Variants in CEP126 observed in about 807,000 individuals in gnomAD.
CEP126 encodes centrosomal protein of 126 kDa.
In CEP126, 74 loss-of-function variants were observed where a neutral mutation model predicts 107.8. The observed-to-expected ratio is 0.69, with a 90% CI of 0.57 to 0.83. The LOEUF (loss-of-function observed/expected upper bound fraction) is 0.83. CEP126 is among the 40% of genes least tolerant of loss of function. The pLI, the probability that CEP126 is intolerant of heterozygous loss-of-function variation, is 0.00. For missense variants in CEP126, 1,237 were observed against 1,281.9 expected, an observed-to-expected ratio of 0.96 and a Z score of 0.53; for synonymous variants, 449 against 446.0, an observed-to-expected ratio of 1.01 and a Z score of -0.08.
chr11:101,997,106 C>T (rs534076912), intron 10 of CEP126, among the ~76,000 whole-genome samples: 4 of 152,206 alleles, frequency 2.6e-5, no homozygotes, highest in Non-Finnish European at 4.4e-5. Context: ...GGAGCAATCT[C>T]AGCTTACTGC....
intron 2 of CEP126, among the ~76,000 whole-genome samples, chr11:101,937,906 C>G (rs57067432): frequency 0.032 from 4,909 of 151,670 alleles, 125 homozygotes; most frequent in African/African-American, 0.067. Context: ...GTAATCCCAG[C>G]ACTTTGGGAG....
intron 7 of CEP126, among the ~76,000 whole-genome samples, chr11:101,979,699 C>G (rs1453333874): frequency 1.3e-5 from 2 of 152,156 alleles, no homozygotes; most frequent in Non-Finnish European, 2.9e-5. Flanking sequence ...GACTGTGCCA[C>G]TGTACTCCAG....
chr11:101,915,412 T>C lies in CEP126; in HGVS notation c.128T>C (p.Leu43Pro). The C allele has an allele frequency of 6.2e-7, 1 of 1,610,640 alleles. No individual in the cohort carries two copies. Among genetic ancestry groups the C allele is most frequent in the Non-Finnish European group, 8.5e-7 (1 of 1,177,916 alleles). Residue 43 changes from leucine to proline, a missense_variant and splice_region_variant, in exon 1 of 11, where the codon CTA becomes CCA. Transcript: ENST00000263468. ...GGGCATCACCGACCTGGCTCTTACCTGTATCCTTCCCAGCCTGTGGCTGCC... is the reference window on the plus strand; with the variant it reads ...GGGCATCACCGACCTGGCTCTTACCCGTATCCTTCCCAGCCTGTGGCTGCC... ...SGGHHRPGSY[L>P]DMKIHLEKNL...
chr11:101,996,099 C>T (rs1941438284), intron 10 of CEP126, among the ~76,000 whole-genome samples: 1 of 152,224 alleles, frequency 6.6e-6, no homozygotes. Context: ...CCTCTCCACT[C>T]TATAGCATCT....
chr11:101,955,480 T>A (rs1244123726), intron 4 of CEP126, among the ~76,000 whole-genome samples: 1 of 152,196 alleles, frequency 6.6e-6, no homozygotes, highest in Non-Finnish European at 1.5e-5. Flanking sequence ...TGACCTCTAT[T>A]TGCCCTTTGA....
intron 6 of CEP126, among the ~76,000 whole-genome samples, chr11:101,970,703 T>C (rs921519744): frequency 6.6e-6 from 1 of 152,230 alleles, no homozygotes; most frequent in Non-Finnish European, 1.5e-5. Context: ...TTTTAAACTG[T>C]CCCATTTTAT....
Position 101,922,628 on chromosome 11 carries a change from A to G in CEP126, c.129-13A>G, listed in dbSNP as rs770905807. ...GATGTAGACCATTGTTCTTAACTTA[A>G]TGCTATCATTAGAGATATGAAAATC... On this transcript the variant is annotated splice_polypyrimidine_tract_variant and intron_variant, in intron 1 of 10. Transcript: ENST00000263468. 3 of 1,595,106 alleles carry G rather than the reference A, an allele frequency of 1.9e-6. No homozygotes were observed. The highest frequency in any genetic ancestry group is 2.7e-5 in the African/African-American group (2 of 74,464).
rs953201139 is a variant in CEP126, at chr11:101,944,403, G to A, written c.387G>A (p.Arg129=). 1.2e-6 allele frequency: 2 copies of A among 1,608,390 alleles called. No homozygotes were observed. The highest frequency in any genetic ancestry group is 1.7e-6 in the Non-Finnish European group (2 of 1,178,250). The change falls in exon 3 of 11, where the codon AGG becomes AGA. Residue 129 remains arginine (R), a synonymous_variant. Coordinates refer to ENST00000263468, the MANE Select transcript of CEP126 (RefSeq NM_020802.4). ...CCCATGTTCCTCTTTCACAGCGGAG[G>A]AAAGCAGGTGCCTTAATTTCTAGAA... is the stretch of plus-strand genomic sequence containing the variant. The part of the protein sequence containing the change: ...QRAHVPLSQR[R]KAVSRKPVPP...
At chr11:101,928,981 T>G (rs1940451735) in intron 2 of CEP126, among the ~76,000 whole-genome samples, 1 of 152,250 alleles carries the variant, frequency 6.6e-6, no homozygotes. Flanking sequence ...TGGGGAAAAC[T>G]GACATCTTCA....
chr11:101,971,954 T>G (rs997553602), intron 6 of CEP126, among the ~76,000 whole-genome samples: 1 of 151,410 alleles, frequency 6.6e-6, no homozygotes, highest in African/African-American at 2.4e-5. Context: ...ACTAAAAATT[T>G]AAAAATTAGC....
chr11:101,976,971 A>T (rs1941199180), intron 6 of CEP126, among the ~76,000 whole-genome samples: 1 of 152,204 alleles, frequency 6.6e-6, no homozygotes, highest in Admixed American at 6.5e-5. Flanking sequence ...ACTACTATTA[A>T]TAAAAATTTT....
intron 3 of CEP126, among the ~76,000 whole-genome samples, chr11:101,945,560 C>T (rs1466978531): frequency 6.6e-6 from 1 of 152,112 alleles, no homozygotes; most frequent in Non-Finnish European, 1.5e-5. Context: ...ATAACAATAG[C>T]TTAAACATGA....
chr11:101,949,946 G>A (rs1305989142), intron 4 of CEP126, among the ~76,000 whole-genome samples: 2 of 152,196 alleles, frequency 1.3e-5, no homozygotes, highest in Non-Finnish European at 2.9e-5. Flanking sequence ...GAGGAAGTCA[G>A]AGGAATAATT....
rs35469897 is a variant in CEP126, at chr11:101,943,086, CT to C, written c.249-1169del. Among the ~76,000 whole-genome samples, 86 of 148,110 alleles carry C rather than the reference CT, an allele frequency of 5.8e-4. 1 individual carries two copies. The highest frequency in any genetic ancestry group is 3.5e-3 in the Middle Eastern group (1 of 286). On this transcript the variant is annotated intron_variant, in intron 2 of 10. Coordinates refer to ENST00000263468, the MANE Select transcript of CEP126 (RefSeq NM_020802.4). ...ACTTTTTCCTTTCCAGTCCGGATGC[CT>C]TTTTTTTTTCTTGCCTATTTGCTGT...
intron 4 of CEP126, among the ~76,000 whole-genome samples, chr11:101,950,262 T>C (rs961093727): frequency 1.3e-5 from 2 of 152,018 alleles, no homozygotes; most frequent in Non-Finnish European, 2.9e-5. Flanking sequence ...GGATAACAAG[T>C]TTAGTTTGAC....
Position 101,944,507 on chromosome 11 carries a change from C to G in CEP126, c.394+97C>G, listed in dbSNP as rs373100708. ...CGTAAATGAAGAAATGAAGTGGAAA[C>G]AAACTAAAAAGACCAATATGACTTT... On this transcript the variant is annotated intron_variant, in intron 3 of 10. Transcript: ENST00000263468. 5.8e-6 allele frequency: 7 copies of G among 1,198,182 alleles called. No homozygotes were observed. The South Asian group carries it at 6.3e-5, about 11-fold the overall frequency. 74.2% of individuals were successfully genotyped at this position (1,198,182 alleles called of 1,614,324 possible).
At chr11:101,920,806 A>G (rs191926839) in intron 1 of CEP126, among the ~76,000 whole-genome samples, 2 of 152,200 alleles carry the variant, frequency 1.3e-5, no homozygotes, top group African/African-American at 4.8e-5. Context: ...GGGTTTCACC[A>G]TATTGCCCAG....
chr11:101,955,872 G>A (rs755674503), intron 4 of CEP126: 24 of 456,086 alleles, frequency 5.3e-5, no homozygotes, highest in Admixed American at 2.1e-4. Context: ...GTCCCATTGC[G>A]GTCCCACCAC....
At chr11:101,968,128 A>G (rs1941079077) in intron 6 of CEP126, among the ~76,000 whole-genome samples, 1 of 152,230 alleles carries the variant, frequency 6.6e-6, no homozygotes, top group Non-Finnish European at 1.5e-5. Context: ...GAGCTATGAC[A>G]TTAACTTGAA....
Sources: allele counts gnomAD v4.1 joint callset (sites outside exome capture counted in the v4.1 genomes callset), GRCh38; gene constraint gnomAD v4.1.1; transcripts MANE v1.5; gene names NCBI Gene and HGNC (gene_info 2026-07-23, HGNC 2026-07-21).